ZNF596: variants seen among roughly 807,000 people sequenced by gnomAD.
The protein encoded by ZNF596 is zinc finger protein 596.
ZNF596 carries 45 observed loss-of-function variants against 48.3 expected under a neutral mutation model. The ratio of observed to expected loss-of-function variants is 0.93; its 90% CI spans 0.73 to 1.19. The LOEUF (loss-of-function observed/expected upper bound fraction) is 1.19. Ranked by LOEUF, ZNF596 falls within the 50% of genes most tolerant of loss-of-function variation. The probability of loss-of-function intolerance (pLI) is 0.00; values close to 1 mark genes in which losing one functional copy is unlikely to be tolerated. For missense variants in ZNF596, 848 were observed against 599.7 expected (o/e 1.41, Z -4.32); for synonymous variants, 270 against 202.0 (o/e 1.34, Z -2.85).
Position 246,319 on chromosome 8 carries a change from G to C in ZNF596, c.1472G>C (p.Arg491Thr), listed in dbSNP as rs748590351. ...GKAFSKFFNL[R>T]QHERTHTKKA... ...GCCTTTAGTAAATTTTTTAACCTTA[G>C]ACAACATGAGAGAACTCACACTAAA... Residue 491 changes from arginine (R) to threonine (T), a missense_variant, in exon 6 of 6, where the codon AGA becomes ACA. Coordinates refer to ENST00000398612, the MANE Select transcript of ZNF596 (RefSeq NM_001042416.3). 7.5e-6 allele frequency: 12 copies of C among 1,602,148 alleles called. No individual in the cohort carries two copies. The highest frequency in any genetic ancestry group is 2.3e-5 in the South Asian group (2 of 88,588).
intron 1 of ZNF596, among the ~76,000 whole-genome samples, chr8:239,726 A>G (rs1334748683): frequency 6.6e-6 from 1 of 152,212 alleles, no homozygotes; most frequent in Non-Finnish European, 1.5e-5. Context: ...TCACCCACCC[A>G]GAAGCTCTAG....
At chr8:242,073 G>T (rs1385298606) in intron 2 of ZNF596, among the ~76,000 whole-genome samples, 2 of 152,140 alleles carry the variant, frequency 1.3e-5, no homozygotes, top group African/African-American at 4.8e-5. Flanking sequence ...TGAGATTTGG[G>T]TGGGGACACA....
intron 2 of ZNF596, among the ~76,000 whole-genome samples, chr8:241,500 T>A (rs1356272853): frequency 6.6e-6 from 1 of 152,226 alleles, no homozygotes; most frequent in African/African-American, 2.4e-5. Context: ...AAATTAAAAT[T>A]CTTATTACCC....
At position 242,941 on chromosome 8, in the gene ZNF596, C is replaced by G. The variant is rs780808878; in HGVS notation, c.67C>G (p.Leu23Val). 1 of 1,610,674 alleles carries G rather than the reference C, an allele frequency of 6.2e-7. No homozygotes were observed. The highest frequency in any genetic ancestry group is 1.3e-5 in the African/African-American group (1 of 74,952). The change falls in exon 3 of 6, where the codon CTG becomes GTG. Residue 23 changes from leucine (L) to valine (V), a missense_variant. By Grantham distance (32) the Leu-to-Val change is conservative (BLOSUM62 1). Transcript: ENST00000398612. The stretch of plus-strand genomic sequence containing the variant: ...AGACTTCACTCAAGAAGAGTGGGCC[C>G]TGCTGGACACATCCCAGAGAAAGCT... The part of the protein sequence containing the change: ...IVDFTQEEWA[L>V]LDTSQRKLFQ...
intron 2 of ZNF596, among the ~76,000 whole-genome samples, chr8:242,357 G>A (rs1796885729): frequency 6.6e-6 from 1 of 152,116 alleles, no homozygotes; most frequent in Non-Finnish European, 1.5e-5. Context: ...TGTATTTGTG[G>A]CTTGTATCTA....
At position 240,883 on chromosome 8, in the gene ZNF596, C is replaced by CT; in HGVS notation, c.-12dup. 1 of 1,614,064 alleles carries CT rather than the reference C, an allele frequency of 6.2e-7. No homozygotes were observed. The highest frequency in any genetic ancestry group is 8.5e-7 in the Non-Finnish European group (1 of 1,179,982). ...AAACCCAGAGGAATACATTTGGTGG[C>CT]TGAGCTAGTACAATGCCATCACCGG... is the stretch of plus-strand genomic sequence containing the variant. On this transcript the variant is annotated 5_prime_UTR_variant, in exon 2 of 6. Coordinates refer to ENST00000398612, the MANE Select transcript of ZNF596 (RefSeq NM_001042416.3).
At chr8:240,957 C>T in intron 2 of ZNF596, 50 bp downstream of exon 2, 1 of 1,608,796 alleles carries the variant, frequency 6.2e-7, no homozygotes, top group Middle Eastern at 1.7e-4. Flanking sequence ...CTGTTACCAG[C>T]CTAAGGGCAG....
At position 246,519 on chromosome 8, in the gene ZNF596, G is replaced by A. The variant is rs1584918732; in HGVS notation, c.*157G>A. On this transcript the variant is annotated 3_prime_UTR_variant, in exon 6 of 6. Transcript: ENST00000398612. ...TAGAGAGAATCCAGATGTATTTAAT[G>A]TTTATGGCACAAACTTCAGACTCTA... 3.2e-6 allele frequency: 3 copies of A among 936,720 alleles called. No individual in the cohort carries two copies. The Admixed American group carries it at 9.5e-5, about 30-fold the overall frequency. 58.0% of individuals were successfully genotyped at this position (936,720 alleles called of 1,614,324 possible).
Position 245,963 on chromosome 8 carries a change from C to T in ZNF596, c.1116C>T (p.Phe372=). The change falls in exon 6 of 6, where the codon TTC becomes TTT. Residue 372 remains phenylalanine, a synonymous_variant. Coordinates refer to ENST00000398612, the MANE Select transcript of ZNF596 (RefSeq NM_001042416.3). ...PHGCHLCGKA[F]TESSVLKRHE... ...GATGTCATCTATGTGGGAAAGCATTCACTGAATCTTCTGTGCTTAAACGAC... is the reference window on the plus strand; with the variant it reads ...GATGTCATCTATGTGGGAAAGCATTTACTGAATCTTCTGTGCTTAAACGAC... The T allele has an allele frequency of 6.2e-7, 1 of 1,613,834 alleles. No individual in the cohort carries two copies. Among genetic ancestry groups the T allele is most frequent in the Non-Finnish European group, 8.5e-7 (1 of 1,179,944 alleles).
At chr8:237,638 C>T (rs1453541838) in intron 1 of ZNF596, 2 of 152,028 alleles carry the variant, frequency 1.3e-5, no homozygotes, top group Admixed American at 6.5e-5. Flanking sequence ...TGTGTGATCT[C>T]ATTATTAAAT....
intron 2 of ZNF596, among the ~76,000 whole-genome samples, chr8:242,027 A>C (rs999637208): frequency 6.6e-6 from 1 of 152,078 alleles, no homozygotes; most frequent in African/African-American, 2.4e-5. Flanking sequence ...CTCCCACCGG[A>C]CCCCTCCCCC....
chr8:233,025 T>G (rs1238380173), intron 1 of ZNF596: 1 of 468,376 alleles, frequency 2.1e-6, no homozygotes, highest in African/African-American at 2.1e-5. Flanking sequence ...AGGGGCTTCT[T>G]CATTGCCTCG....
rs193187842 is a variant in ZNF596, at chr8:241,865, C to G, written c.12+958C>G. ...TGGGAGGCCTCCAGAAACTTACAAT[C>G]ATGGTGGAAGGGGAAGCAAGCACCT... is the stretch of plus-strand genomic sequence containing the variant. On this transcript the variant is annotated intron_variant, in intron 2 of 5. Coordinates refer to ENST00000398612, the MANE Select transcript of ZNF596 (RefSeq NM_001042416.3). Among the ~76,000 whole-genome samples, 552 of 152,268 alleles carry G rather than the reference C, an allele frequency of 3.6e-3. 6 individuals are homozygous for G. The highest frequency in any genetic ancestry group is 0.012 in the African/African-American group (494 of 41,556).
At chr8:244,537 C>T (rs1282082170) in intron 4 of ZNF596, 82 bp from the exon 5 acceptor site, 1 of 899,918 alleles carries the variant, frequency 1.1e-6, no homozygotes, top group African/African-American at 1.7e-5. Flanking sequence ...ATTTGAAACA[C>T]ACTCAAATGG....
intron 2 of ZNF596, among the ~76,000 whole-genome samples, chr8:241,300 A>G (rs1796845766): frequency 6.6e-6 from 1 of 152,282 alleles, no homozygotes; most frequent in Admixed American, 6.5e-5. Context: ...AGAGCAGGTT[A>G]TAGCCCATAC....
chr8:242,280 T>A (rs922921180), intron 2 of ZNF596, among the ~76,000 whole-genome samples: 13 of 147,716 alleles, frequency 8.8e-5, no homozygotes, highest in Non-Finnish European at 1.3e-4. Context: ...AGGCTGCATC[T>A]GCTGATACCA....
Position 246,957 on chromosome 8 carries a change from TAGATC to T in ZNF596, c.*599_*603del, listed in dbSNP as rs1797114216. 6.5e-6 allele frequency: 1 copy of T among 152,952 alleles called. No homozygotes were observed. The highest frequency in any genetic ancestry group is 2.4e-5 in the African/African-American group (1 of 41,470). The allele number at this position is 152,952 out of a possible 1,614,324, so 9.5% of individuals were successfully genotyped here. A position where few individuals can be genotyped will look rare whatever the true frequency, so the allele number is the denominator to read the frequency against. On this transcript the variant is annotated 3_prime_UTR_variant, in exon 6 of 6. Coordinates refer to ENST00000398612, the MANE Select transcript of ZNF596 (RefSeq NM_001042416.3). ...TCTTAATACAGCAGCACTTCTATAA[TAGATC>T]AGAATTCACATGGTGTAGAACTCTC...
At chr8:232,808 T>C in intron 1 of ZNF596, 114 bp downstream of exon 1, 1 of 432,532 alleles carries the variant, frequency 2.3e-6, no homozygotes, top group South Asian at 1.7e-5. Context: ...TGCTTCCCCA[T>C]CCTTCCCTCC....
At chr8:241,494 T>G (rs1376331837) in intron 2 of ZNF596, among the ~76,000 whole-genome samples, 1 of 152,190 alleles carries the variant, frequency 6.6e-6, no homozygotes, top group African/African-American at 2.4e-5. Context: ...AAAGCAAAAT[T>G]AAAATTCTTA....
Sources: gnomAD v4.1 joint callset for allele counts (sites outside exome capture counted in the v4.1 genomes callset) on GRCh38, gnomAD v4.1.1 for gene constraint, MANE v1.5 for transcripts, NCBI Gene and HGNC (gene_info 2026-07-23, HGNC 2026-07-21) for gene names.